The following GUCY1A2 variants were observed in gnomAD, a reference collection of about 807,000 sequenced individuals.
GUCY1A2 encodes guanylate cyclase soluble subunit alpha-2.
A neutral mutation model predicts 63.5 loss-of-function variants in GUCY1A2; 27 were observed. The ratio of observed to expected loss-of-function variants is 0.43; its 90% confidence interval spans 0.31 to 0.59. The LOEUF (loss-of-function observed/expected upper bound fraction) is 0.59. Ranked by LOEUF, GUCY1A2 falls within the 20% of genes least tolerant of loss-of-function variation. GUCY1A2 has a pLI of 0.11. For synonymous variants in GUCY1A2, 364 were observed against 343.5 expected, an observed-to-expected ratio of 1.06 and a Z score of -0.66; for missense variants, 768 against 913.3, an observed-to-expected ratio of 0.84 and a Z score of 2.05.
chr11:106,800,215 G>A (rs1015449867), intron 5 of GUCY1A2, among the ~76,000 whole-genome samples: 7 of 152,054 alleles, frequency 4.6e-5, no homozygotes, highest in African/African-American at 9.7e-5. Context: ...TTAGAATGGC[G>A]ATCATTAAAC....
chr11:106,897,249 A>G (rs1407206415), intron 4 of GUCY1A2, among the ~76,000 whole-genome samples: 2 of 152,152 alleles, frequency 1.3e-5, no homozygotes, highest in African/African-American at 4.8e-5. Flanking sequence ...AAGATACAAT[A>G]TTATCACAAT....
At chr11:106,876,333 G>A (rs1328228921) in intron 4 of GUCY1A2, among the ~76,000 whole-genome samples, 1 of 151,958 alleles carries the variant, frequency 6.6e-6, no homozygotes, top group Non-Finnish European at 1.5e-5. Flanking sequence ...GGTATGAATT[G>A]ACAACCATCA....
chr11:106,831,989 TTTAATTA>T (rs1278956997), intron 4 of GUCY1A2, among the ~76,000 whole-genome samples: 1 of 152,168 alleles, frequency 6.6e-6, no homozygotes, highest in Non-Finnish European at 1.5e-5. Flanking sequence ...TCACTCTCAT[TTTAATTA>T]ATATACTTCC....
At chr11:107,001,003 AT>A (rs1861605855) in intron 1 of GUCY1A2, among the ~76,000 whole-genome samples, 1 of 152,216 alleles carries the variant, frequency 6.6e-6, no homozygotes, top group Non-Finnish European at 1.5e-5. Context: ...AACCTACTGA[AT>A]TAAGATAATA....
At chr11:106,818,176 T>C (rs1384959603) in intron 4 of GUCY1A2, among the ~76,000 whole-genome samples, 1 of 152,190 alleles carries the variant, frequency 6.6e-6, no homozygotes, top group African/African-American at 2.4e-5. Context: ...TTTATTGCCC[T>C]TTGCAGATAT....
chr11:106,903,510 T>C (rs905281766), intron 4 of GUCY1A2, among the ~76,000 whole-genome samples: 1 of 152,172 alleles, frequency 6.6e-6, no homozygotes, highest in Non-Finnish European at 1.5e-5. Flanking sequence ...GGGTCCACTT[T>C]AAGGCATCAT....
At chr11:106,789,615 G>A (rs1864623385) in intron 5 of GUCY1A2, among the ~76,000 whole-genome samples, 1 of 152,142 alleles carries the variant, frequency 6.6e-6, no homozygotes. Flanking sequence ...GGGCTTGTTT[G>A]TACTTGTCCT....
intron 6 of GUCY1A2, among the ~76,000 whole-genome samples, chr11:106,716,686 A>G (rs977708440): frequency 1.4e-5 from 2 of 145,656 alleles, no homozygotes; most frequent in African/African-American, 2.6e-5. Flanking sequence ...GGAGAATGGC[A>G]TGAACCCGGG....
At chr11:106,907,697 T>C (rs1860232120) in intron 4 of GUCY1A2, among the ~76,000 whole-genome samples, 1 of 152,066 alleles carries the variant, frequency 6.6e-6, no homozygotes, top group Non-Finnish European at 1.5e-5. Flanking sequence ...AGAATGATGA[T>C]TTCCAGTTTC....
intron 4 of GUCY1A2, among the ~76,000 whole-genome samples, chr11:106,843,365 T>C (rs1859226797): frequency 6.6e-6 from 1 of 151,740 alleles, no homozygotes; most frequent in Non-Finnish European, 1.5e-5. Flanking sequence ...CACCAAAATC[T>C]ATGCATGTCA....
chr11:106,956,333 T>A (rs1158339603), intron 3 of GUCY1A2, among the ~76,000 whole-genome samples: 2 of 152,068 alleles, frequency 1.3e-5, no homozygotes, highest in African/African-American at 2.4e-5. Flanking sequence ...GACATTGTAA[T>A]CATTTGGAGA....
chr11:106,829,515 C>T (rs76947144), intron 4 of GUCY1A2, among the ~76,000 whole-genome samples: 2,105 of 152,186 alleles, frequency 0.014, 52 homozygotes, highest in African/African-American at 0.048. Context: ...TTTAACAGAA[C>T]AGGATCAGGA....
chr11:106,683,013 T>C lies in GUCY1A2; in HGVS notation c.*4536A>G, dbSNP rs1862457010. On this transcript the variant is annotated 3_prime_UTR_variant, in exon 8 of 8. Coordinates refer to ENST00000526355, the MANE Select transcript of GUCY1A2 (RefSeq NM_000855.3). ...CTTGAAATTGAGTCCATAGCTGAGG[T>C]CAACTTACCCATTTAACAATAAATT... 4.6e-6 allele frequency: 1 copy of C among 216,800 alleles called. No homozygotes were observed. The highest frequency in any genetic ancestry group is 9.3e-6 in the Non-Finnish European group (1 of 107,688). The allele number at this position is 216,800 out of a possible 1,614,324, so 13.4% of individuals were successfully genotyped here.
chr11:107,001,351 A>C (rs1287924431), intron 1 of GUCY1A2, among the ~76,000 whole-genome samples: 1 of 152,160 alleles, frequency 6.6e-6, no homozygotes, highest in African/African-American at 2.4e-5. Flanking sequence ...GACAGAACTT[A>C]TTTTTTCTTC....
Position 106,712,244 on chromosome 11 carries a change from T to G in GUCY1A2, c.1837-3578A>C, listed in dbSNP as rs1354123245. 2.0e-5 allele frequency among the ~76,000 whole-genome samples: 3 copies of G among 152,174 alleles called. No individual in the cohort carries two copies. In the East Asian group the frequency reaches 5.8e-4, roughly 29 times the overall value. ...TTATTTGGGATAATTTCTATTGCTA[T>G]GTCTTCAAATTTATAATATTTTCTT... On this transcript the variant is annotated intron_variant, in intron 6 of 7. Coordinates refer to ENST00000526355, the MANE Select transcript of GUCY1A2 (RefSeq NM_000855.3).
At chr11:106,893,681 C>T (rs1296430348) in intron 4 of GUCY1A2, among the ~76,000 whole-genome samples, 1 of 152,108 alleles carries the variant, frequency 6.6e-6, no homozygotes, top group Non-Finnish European at 1.5e-5. Context: ...CTGGGCAAAC[C>T]ACTGCCCCTA....
chr11:106,786,344 G>A (rs1864556335), intron 5 of GUCY1A2, among the ~76,000 whole-genome samples: 1 of 152,128 alleles, frequency 6.6e-6, no homozygotes, highest in Admixed American at 6.5e-5. Flanking sequence ...TTTTAAGGAT[G>A]ACTCTACACA....
At chr11:106,846,758 C>T (rs1001519512) in intron 4 of GUCY1A2, among the ~76,000 whole-genome samples, 2 of 151,372 alleles carry the variant, frequency 1.3e-5, no homozygotes, top group Admixed American at 6.6e-5. Context: ...TCTTATTTTC[C>T]TAAACTAGAG....
intron 6 of GUCY1A2, among the ~76,000 whole-genome samples, chr11:106,728,348 C>T (rs1241790153): frequency 6.6e-6 from 1 of 152,130 alleles, no homozygotes; most frequent in Non-Finnish European, 1.5e-5. Flanking sequence ...CTCTGCTATC[C>T]CAGTTTCTTG....
Sources: allele counts gnomAD v4.1 joint callset (sites outside exome capture counted in the v4.1 genomes callset), GRCh38; gene constraint gnomAD v4.1.1; transcripts MANE v1.5; gene names NCBI Gene and HGNC (gene_info 2026-07-23, HGNC 2026-07-21).